The following PHLPP1 variants were observed in gnomAD, a reference collection of about 807,000 sequenced individuals.
The protein encoded by PHLPP1 is PH domain leucine-rich repeat-containing protein phosphatase 1.
In PHLPP1, 42 loss-of-function variants were observed where a neutral mutation model predicts 117.2. The ratio of observed to expected loss-of-function variants is 0.36; its 90% CI spans 0.28 to 0.46. PHLPP1 has a LOEUF of 0.46. PHLPP1 is among the 20% of genes least tolerant of loss of function. PHLPP1 has a pLI of 1.00. For synonymous variants in PHLPP1, 1,042 were observed against 970.7 expected (o/e 1.07, Z -1.37); for missense variants, 2,084 against 2,241.9 (o/e 0.93, Z 1.42).
At chr18:62,851,178 C>T (rs182794767) in intron 3 of PHLPP1, among the ~76,000 whole-genome samples, 4 of 152,296 alleles carry the variant, frequency 2.6e-5, no homozygotes, top group African/African-American at 4.8e-5. Context: ...CATCCCCATC[C>T]CCTCACCTCT....
At chr18:62,918,429 A>AATATATATATGTATATAT (rs1555681790) in intron 9 of PHLPP1, among the ~76,000 whole-genome samples, 61 of 140,502 alleles carry the variant, frequency 4.3e-4, no homozygotes, top group African/African-American at 1.5e-3. Context: ...GTAAAGGATA[A>AATATATATATGTATATAT]ATATATATAT....
At chr18:62,871,827 T>C (rs1335062979) in intron 4 of PHLPP1, among the ~76,000 whole-genome samples, 2 of 151,822 alleles carry the variant, frequency 1.3e-5, no homozygotes, top group African/African-American at 4.8e-5. Flanking sequence ...GTATTTTTAG[T>C]AGAGATGGGG....
At chr18:62,733,482 T>C (rs1288866868) in intron 1 of PHLPP1, among the ~76,000 whole-genome samples, 1 of 152,230 alleles carries the variant, frequency 6.6e-6, no homozygotes, top group Non-Finnish European at 1.5e-5. Context: ...ATATTCGCCC[T>C]ATAACAGTGG....
intron 3 of PHLPP1, among the ~76,000 whole-genome samples, chr18:62,848,795 T>C (rs902716077): frequency 2.0e-5 from 3 of 152,174 alleles, no homozygotes; most frequent in African/African-American, 7.2e-5. Flanking sequence ...GAAGATAATA[T>C]GTCTTAGATA....
At chr18:62,975,298 C>T in intron 15 of PHLPP1, 99 bp from the exon 16 acceptor site, 1 of 768,928 alleles carries the variant, frequency 1.3e-6, no homozygotes, top group Non-Finnish European at 2.3e-6. Context: ...CAGCTGTCTC[C>T]TTCCTGGCCC....
At position 62,958,437 on chromosome 18, in the gene PHLPP1, T is replaced by A. The variant is rs527531149; in HGVS notation, c.3325-192T>A. ...CTGTTATTCAAAGAAAATTAAAAAA[T>A]TTTTTTTGCATTTAGCAAAATCTAT... On this transcript the variant is annotated intron_variant, in intron 12 of 16. Transcript: ENST00000262719. 3.9e-4 allele frequency among the ~76,000 whole-genome samples: 60 copies of A among 152,224 alleles called. No individual in the cohort carries two copies. The South Asian group carries it at 0.01, about 26-fold the overall frequency.
intron 10 of PHLPP1, among the ~76,000 whole-genome samples, chr18:62,931,205 A>AAAAC (rs1555682660): frequency 2.7e-5 from 4 of 148,498 alleles, no homozygotes; most frequent in East Asian, 3.9e-4. Flanking sequence ...TAAAAAAAAA[A>AAAAC]AACAACAACA....
intron 3 of PHLPP1, among the ~76,000 whole-genome samples, chr18:62,849,832 A>ATATATATATATATATATATAT (rs747097979): frequency 1.2e-4 from 4 of 33,082 alleles, no homozygotes; most frequent in African/African-American, 2.5e-4. Flanking sequence ...AAAAAAAAAA[A>ATATATATATATATATATATAT]ATATATATAT....
intron 2 of PHLPP1, among the ~76,000 whole-genome samples, chr18:62,835,699 C>T (rs1017132572): frequency 6.6e-6 from 1 of 151,334 alleles, no homozygotes; most frequent in Non-Finnish European, 1.5e-5. Context: ...GTCTTTAATC[C>T]GTTAATGTGA....
chr18:62,873,343 T>A (rs892756739), intron 4 of PHLPP1, among the ~76,000 whole-genome samples: 2 of 152,222 alleles, frequency 1.3e-5, no homozygotes, highest in Admixed American at 6.5e-5. Context: ...CCAACCAGTT[T>A]AAGAAAGAAG....
At chr18:62,947,680 GTAGATT>G (rs1910339021) in intron 12 of PHLPP1, among the ~76,000 whole-genome samples, 4 of 152,298 alleles carry the variant, frequency 2.6e-5, no homozygotes, top group African/African-American at 7.2e-5. Flanking sequence ...ACTCTTAAAT[GTAGATT>G]TAGATTCTTG....
At chr18:62,849,909 T>A (rs1915294342) in intron 3 of PHLPP1, among the ~76,000 whole-genome samples, 2 of 142,166 alleles carry the variant, frequency 1.4e-5, no homozygotes, top group Non-Finnish European at 3.0e-5. Flanking sequence ...TAACCCAGAG[T>A]ATTAAATTTT....
At chr18:62,789,089 A>G (rs1406055468) in intron 1 of PHLPP1, among the ~76,000 whole-genome samples, 2 of 152,214 alleles carry the variant, frequency 1.3e-5, no homozygotes, top group East Asian at 1.9e-4. Context: ...TGTCAAGGCA[A>G]TAAACCAGGC....
rs113152654 is a variant in PHLPP1, at chr18:62,933,146, C to T, written c.2961-8572C>T. On this transcript the variant is annotated intron_variant, in intron 10 of 16. Transcript: ENST00000262719. ...AACAAGTGGAAAAACATTCCATGCT[C>T]GTGGATTGGAAGAATCAGTATCATT... Among the ~76,000 whole-genome samples, 565 of 152,286 alleles carry T rather than the reference C, an allele frequency of 3.7e-3. 4 individuals carry two copies. The highest frequency in any genetic ancestry group is 6.8e-3 in the Middle Eastern group (2 of 292).
At chr18:62,973,860 A>AG (rs1172408810) in intron 15 of PHLPP1, among the ~76,000 whole-genome samples, 1 of 152,202 alleles carries the variant, frequency 6.6e-6, no homozygotes, top group African/African-American at 2.4e-5. Context: ...ATGTACAGTG[A>AG]GGTGAAGCAC....
chr18:62,761,397 C>T (rs2144248922), intron 1 of PHLPP1, among the ~76,000 whole-genome samples: 1 of 151,948 alleles, frequency 6.6e-6, no homozygotes, highest in East Asian at 2.0e-4. Flanking sequence ...CTTTGGGAGG[C>T]CGAGGCGGGC....
chr18:62,920,073 G>A lies in PHLPP1; in HGVS notation c.2919G>A (p.Gln973=), dbSNP rs753857868. 6 of 1,613,704 alleles carry A rather than the reference G, an allele frequency of 3.7e-6. No homozygotes were observed. In the East Asian group the frequency reaches 1.1e-4, roughly 30 times the overall value. The change falls in exon 10 of 17, where the codon CAG becomes CAA. Residue 973 remains glutamine (Q), a synonymous_variant. Transcript: ENST00000262719. ...AGGTCTTGGATGTGCAACACAACCA[G>A]CTCCTTGAGCTCCCACCTAACCTTC... ...SVEVLDVQHN[Q]LLELPPNLLM...
At chr18:62,959,495 A>AGTG (rs1804872020) in intron 13 of PHLPP1, among the ~76,000 whole-genome samples, 1 of 152,182 alleles carries the variant, frequency 6.6e-6, no homozygotes, top group Admixed American at 6.5e-5. Context: ...AAAGAGTTAA[A>AGTG]GTGGTGTTAT....
intron 1 of PHLPP1, among the ~76,000 whole-genome samples, chr18:62,727,416 C>A (rs1911105892): frequency 6.6e-6 from 1 of 151,916 alleles, no homozygotes; most frequent in African/African-American, 2.4e-5. Flanking sequence ...CGAGACCAGC[C>A]TTGGCAACAT....
Sources: gnomAD v4.1 joint callset for allele counts (sites outside exome capture counted in the v4.1 genomes callset) on GRCh38, gnomAD v4.1.1 for gene constraint, MANE v1.5 for transcripts, NCBI Gene and HGNC (gene_info 2026-07-23, HGNC 2026-07-21) for gene names.